Variants in PRUNE2 observed in about 807,000 individuals in gnomAD.
PRUNE2 encodes the protein protein prune homolog 2.
PRUNE2 carries 164 observed loss-of-function variants against 252.0 expected under a neutral mutation model. The ratio of observed to expected loss-of-function variants is 0.65; its 90% CI spans 0.57 to 0.74. PRUNE2 has a LOEUF of 0.74. PRUNE2 is among the 30% of genes least tolerant of loss of function. The pLI is 0.00. For synonymous variants in PRUNE2, 1,292 were observed against 1,350.2 expected, an observed-to-expected ratio of 0.96 and a Z score of 0.94; for missense variants, 3,495 against 3,711.0, an observed-to-expected ratio of 0.94 and a Z score of 1.51.
chr9:76,800,261 T>C (rs916180405), intron 6 of PRUNE2, among the ~76,000 whole-genome samples: 3 of 151,836 alleles, frequency 2.0e-5, no homozygotes, highest in African/African-American at 7.3e-5. Context: ...CCAAGTGTTC[T>C]CATTGTTCAA....
At chr9:76,649,987 A>AGGCCTAAATG (rs1846738278) in intron 11 of PRUNE2, among the ~76,000 whole-genome samples, 1 of 151,840 alleles carries the variant, frequency 6.6e-6, no homozygotes. Context: ...GGATAAAAAG[A>AGGCCTAAATG]GGCCTAAATG....
At chr9:76,814,802 T>G (rs2057579057) in intron 6 of PRUNE2, among the ~76,000 whole-genome samples, 1 of 152,220 alleles carries the variant, frequency 6.6e-6, no homozygotes, top group African/African-American at 2.4e-5. Flanking sequence ...TAAATCTGCA[T>G]CACCTAACAC....
chr9:76,709,800 G>A lies in PRUNE2; in HGVS notation c.2474C>T (p.Thr825Ile), dbSNP rs1361421523. Reference sequence around the variant, plus strand: ...CTCATTCGGGTCCCTAACAGAAGGTGTCTTGCTGCTTGTTGGGTGCAAATT... The same window carrying A: ...CTCATTCGGGTCCCTAACAGAAGGTATCTTGCTGCTTGTTGGGTGCAAATT... Reference protein sequence around the residue: ...TWNLHPTSSKTPSVRDPNEWA... With the variant: ...TWNLHPTSSKIPSVRDPNEWA... The change falls in exon 8 of 19, where the codon ACA becomes ATA. Residue 825 changes from threonine (T) to isoleucine (I), a missense_variant. Thr to Ile is a moderately conservative substitution (Grantham distance 89). Coordinates refer to ENST00000376718, the MANE Select transcript of PRUNE2 (RefSeq NM_015225.3). The A allele has an allele frequency of 1.2e-6, 2 of 1,613,988 alleles. No homozygotes were observed. The highest frequency in any genetic ancestry group is 1.7e-5 in the Admixed American group (1 of 60,030).
Position 76,708,644 on chromosome 9 carries a change from T to C in PRUNE2, c.3630A>G (p.Lys1210=). Reference sequence around the variant, plus strand: ...TACTGTTTGCAATTAGCTGCCCACTTTTCTCATTCAATGTGTGATGTTCAC... The same window carrying C: ...TACTGTTTGCAATTAGCTGCCCACTCTTCTCATTCAATGTGTGATGTTCAC... The part of the protein sequence containing the change: ...APSEHHTLNE[K]SGQLIANSIW... Residue 1210 remains lysine, a synonymous_variant, in exon 8 of 19, where the codon AAA becomes AAG. Transcript: ENST00000376718. 6.2e-7 allele frequency: 1 copy of C among 1,613,990 alleles called. No individual in the cohort carries two copies. Among genetic ancestry groups the C allele is most frequent in the Non-Finnish European group, 8.5e-7 (1 of 1,179,894 alleles).
intron 9 of PRUNE2, among the ~76,000 whole-genome samples, chr9:76,702,618 T>TGAATGAATGAAA (rs2045979685): frequency 1.3e-5 from 2 of 152,126 alleles, no homozygotes; most frequent in African/African-American, 4.8e-5. Flanking sequence ...GGTGAATGAA[T>TGAATGAATGAAA]GAATGAATGA....
At chr9:76,857,737 A>T (rs2132715031) in intron 1 of PRUNE2, among the ~76,000 whole-genome samples, 1 of 152,264 alleles carries the variant, frequency 6.6e-6, no homozygotes, top group East Asian at 1.9e-4. Context: ...TCCCCCCACA[A>T]ATGACCTTGG....
At chr9:76,679,029 G>T (rs1484188126) in intron 9 of PRUNE2, among the ~76,000 whole-genome samples, 1 of 152,088 alleles carries the variant, frequency 6.6e-6, no homozygotes, top group Admixed American at 6.5e-5. Flanking sequence ...CAGGAGGCAG[G>T]CTGCCTGCAC....
At chr9:76,867,321 C>T (rs2060907233) in intron 1 of PRUNE2, among the ~76,000 whole-genome samples, 1 of 151,696 alleles carries the variant, frequency 6.6e-6, no homozygotes, top group South Asian at 2.1e-4. Flanking sequence ...CATGGGTACC[C>T]AACAAAGAAA....
intron 4 of PRUNE2, among the ~76,000 whole-genome samples, chr9:76,837,872 C>T (rs576780193): frequency 1.7e-4 from 26 of 151,040 alleles, no homozygotes; most frequent in Non-Finnish European, 2.4e-4. Flanking sequence ...CCTGGGTTCA[C>T]GCCATTCTCC....
At chr9:76,772,204 T>C (rs1487936474) in intron 6 of PRUNE2, among the ~76,000 whole-genome samples, 1 of 152,220 alleles carries the variant, frequency 6.6e-6, no homozygotes, top group Non-Finnish European at 1.5e-5. Context: ...GAACCACTTT[T>C]TGAGAAGACA....
At chr9:76,818,721 T>C (rs2057848582) in intron 6 of PRUNE2, among the ~76,000 whole-genome samples, 1 of 152,150 alleles carries the variant, frequency 6.6e-6, no homozygotes, top group African/African-American at 2.4e-5. Flanking sequence ...AGGAAATTGA[T>C]ATGAAATAAA....
intron 9 of PRUNE2, among the ~76,000 whole-genome samples, chr9:76,663,891 G>T (rs1317835126): frequency 6.6e-6 from 1 of 152,166 alleles, no homozygotes; most frequent in Non-Finnish European, 1.5e-5. Context: ...TCTCACATTG[G>T]AGAGGGGCAT....
At chr9:76,762,078 C>T (rs1312200020) in intron 6 of PRUNE2, among the ~76,000 whole-genome samples, 3 of 152,148 alleles carry the variant, frequency 2.0e-5, no homozygotes, top group Non-Finnish European at 4.4e-5. Context: ...GCATCTGGTG[C>T]CAACTCTGAA....
At chr9:76,891,121 A>G (rs2062447550) in intron 1 of PRUNE2, among the ~76,000 whole-genome samples, 1 of 152,224 alleles carries the variant, frequency 6.6e-6, no homozygotes, top group South Asian at 2.1e-4. Context: ...CAGTGATATC[A>G]AACTGCACTA....
intron 9 of PRUNE2, among the ~76,000 whole-genome samples, chr9:76,681,699 C>T (rs2043457825): frequency 6.6e-6 from 1 of 152,124 alleles, no homozygotes; most frequent in Non-Finnish European, 1.5e-5. Context: ...ACCCCTGAAC[C>T]ACCAGAAAGG....
At chr9:76,735,401 AAGAT>A (rs1464198846) in intron 6 of PRUNE2, among the ~76,000 whole-genome samples, 1 of 147,794 alleles carries the variant, frequency 6.8e-6, no homozygotes, top group Non-Finnish European at 1.5e-5. Context: ...TTTATTGAGG[AAGAT>A]AGTTTTCTTT....
chr9:76,823,850 T>C, intron 5 of PRUNE2, 124 bp from the exon 6 acceptor site: 1 of 634,354 alleles, frequency 1.6e-6, no homozygotes, highest in South Asian at 1.9e-5. Context: ...ATGTCACTTT[T>C]ATCCACAATA....
chr9:76,850,509 C>A lies in PRUNE2; in HGVS notation c.298G>T (p.Glu100Ter). Residue 100 changes from glutamate to a stop codon, truncating the protein, a stop_gained, in exon 3 of 19, where the codon GAA (glutamate) becomes TAA (stop). Coordinates refer to ENST00000376718, the MANE Select transcript of PRUNE2 (RefSeq NM_015225.3). LOFTEE classifies it high-confidence loss of function. ...DEINLHQLND[E>*]GKLSITLVGS... ...ACAAGTGTTATCGATAACTTCCCTTCATCATTTAGCTGATGCAGGTTAATT... is the reference window on the plus strand; with the variant it reads ...ACAAGTGTTATCGATAACTTCCCTTAATCATTTAGCTGATGCAGGTTAATT... The A allele has an allele frequency of 6.2e-7, 1 of 1,614,108 alleles. No homozygotes were observed. Among genetic ancestry groups the A allele is most frequent in the Middle Eastern group, 1.6e-4 (1 of 6,062 alleles).
intron 11 of PRUNE2, among the ~76,000 whole-genome samples, chr9:76,647,059 T>G (rs1446284078): frequency 3.9e-5 from 6 of 152,074 alleles, no homozygotes; most frequent in Non-Finnish European, 7.4e-5. Flanking sequence ...TATGTTGGCA[T>G]GTGCCTGTAG....
Sources: allele counts gnomAD v4.1 joint callset (sites outside exome capture counted in the v4.1 genomes callset), GRCh38; gene constraint gnomAD v4.1.1; transcripts MANE v1.5; gene names NCBI Gene and HGNC (gene_info 2026-07-23, HGNC 2026-07-21).